SNTG1: variants seen among roughly 807,000 people sequenced by gnomAD.
SNTG1 encodes syntrophin gamma 1, also known as gamma-1-syntrophin.
SNTG1 carries 39 observed loss-of-function variants against 74.7 expected under a neutral mutation model. That is an observed-to-expected ratio of 0.52 (90% CI 0.40 to 0.68). SNTG1 has a LOEUF of 0.68. SNTG1 is among the 30% of genes least tolerant of loss of function. The probability of loss-of-function intolerance (pLI) is 0.00; values close to 1 mark genes in which losing one functional copy is unlikely to be tolerated. For synonymous variants in SNTG1, 254 were observed against 217.1 expected (o/e 1.17, Z -1.49); for missense variants, 685 against 609.5 (o/e 1.12, Z -1.30).
chr8:50,206,474 G>C (rs545383134), intron 2 of SNTG1, among the ~76,000 whole-genome samples: 1 of 152,150 alleles, frequency 6.6e-6, no homozygotes, highest in Non-Finnish European at 1.5e-5. Flanking sequence ...AGGCTGAGAC[G>C]ATGGGGTTTT....
At chr8:50,578,439 C>A (rs572547131) in intron 12 of SNTG1, among the ~76,000 whole-genome samples, 28 of 146,800 alleles carry the variant, frequency 1.9e-4, no homozygotes, top group Non-Finnish European at 9.1e-5. Context: ...GAGAGAGAGA[C>A]AGCAAGAGCA....
At chr8:50,005,977 T>G (rs1485576932) in intron 1 of SNTG1, among the ~76,000 whole-genome samples, 1 of 138,804 alleles carries the variant, frequency 7.2e-6, no homozygotes, top group Non-Finnish European at 1.6e-5. Context: ...TTTTTTTTTT[T>G]TTTTTTGAGA....
chr8:50,204,776 G>A (rs1007329172), intron 2 of SNTG1, among the ~76,000 whole-genome samples: 3 of 152,010 alleles, frequency 2.0e-5, no homozygotes, highest in Non-Finnish European at 4.4e-5. Flanking sequence ...GTGTCCAGGT[G>A]TTCTCATTGT....
At chr8:50,502,414 G>T (rs1349084338) in intron 8 of SNTG1, among the ~76,000 whole-genome samples, 1 of 152,098 alleles carries the variant, frequency 6.6e-6, no homozygotes, top group Non-Finnish European at 1.5e-5. Flanking sequence ...CAAAATAGGT[G>T]CTCAACAATT....
intron 15 of SNTG1, among the ~76,000 whole-genome samples, chr8:50,666,162 G>T (rs1161646122): frequency 6.6e-6 from 1 of 152,100 alleles, no homozygotes; most frequent in Admixed American, 6.6e-5. Context: ...AATCTAATGT[G>T]ATTTAACCTA....
rs758585270 is a variant in SNTG1 at position 50,427,641 on chromosome 8, G to C, written c.163-10902G>C. 8.6e-4 allele frequency among the ~76,000 whole-genome samples: 131 copies of C among 152,138 alleles called. 2 individuals are homozygous for C. Among genetic ancestry groups the C allele is most frequent in the Admixed American group, 2.0e-4 (3 of 15,264 alleles). On this transcript the variant is annotated intron_variant, in intron 4 of 18. Coordinates refer to ENST00000642720, the MANE Select transcript of SNTG1 (RefSeq NM_018967.5). ...AGGGTCTCACAATGTTGCTTAGCCTGTTCTCAAAGGCTCAACCTCATGCAA... is the reference window on the plus strand; with the variant it reads ...AGGGTCTCACAATGTTGCTTAGCCTCTTCTCAAAGGCTCAACCTCATGCAA...
At chr8:50,207,871 A>G (rs538541563) in intron 2 of SNTG1, among the ~76,000 whole-genome samples, 75 of 152,222 alleles carry the variant, frequency 4.9e-4, no homozygotes, top group Admixed American at 1.6e-3. Flanking sequence ...TGTAGTTGAG[A>G]AATTTTGAGT....
At chr8:50,626,595 T>C (rs1172227063) in intron 13 of SNTG1, among the ~76,000 whole-genome samples, 1 of 152,242 alleles carries the variant, frequency 6.6e-6, no homozygotes, top group Non-Finnish European at 1.5e-5. Flanking sequence ...AACAAAGGAA[T>C]GGGCCAAACA....
chr8:50,237,452 T>C (rs892787574), intron 2 of SNTG1, among the ~76,000 whole-genome samples: 5 of 152,158 alleles, frequency 3.3e-5, no homozygotes, highest in Non-Finnish European at 7.4e-5. Context: ...TCTTATTTCA[T>C]TGGCATTTTG....
chr8:50,491,535 C>T (rs986399249), intron 8 of SNTG1: 56 of 152,332 alleles, frequency 3.7e-4, no homozygotes, highest in African/African-American at 1.3e-3. Context: ...TCCTGACTAT[C>T]GCGGAGCTGG....
intron 2 of SNTG1, among the ~76,000 whole-genome samples, chr8:50,392,802 C>T (rs185527543): frequency 1.1e-3 from 164 of 152,014 alleles, no homozygotes; most frequent in African/African-American, 3.5e-3. Flanking sequence ...CTCAAATGTG[C>T]CATGTTATGA....
intron 1 of SNTG1, among the ~76,000 whole-genome samples, chr8:50,039,840 G>T (rs1179755573): frequency 1.3e-5 from 2 of 152,136 alleles, no homozygotes; most frequent in Non-Finnish European, 2.9e-5. Flanking sequence ...CGTAAGTCAT[G>T]ATTCAGAAGA....
intron 1 of SNTG1, among the ~76,000 whole-genome samples, chr8:50,008,121 CA>C: frequency 6.6e-6 from 1 of 151,278 alleles, no homozygotes; most frequent in Non-Finnish European, 1.5e-5. Context: ...CAAATCATAT[CA>C]GAGAATTTAA....
At chr8:49,974,469 A>T (rs1467588639) in intron 1 of SNTG1, among the ~76,000 whole-genome samples, 1 of 152,196 alleles carries the variant, frequency 6.6e-6, no homozygotes, top group Non-Finnish European at 1.5e-5. Context: ...TGATGAAATC[A>T]TCTTCAGGTC....
chr8:50,413,197 G>A (rs1363304861), intron 4 of SNTG1, among the ~76,000 whole-genome samples: 1 of 152,086 alleles, frequency 6.6e-6, no homozygotes, highest in African/African-American at 2.4e-5. Flanking sequence ...GTTCAAGAGG[G>A]TTATGATCAA....
At chr8:50,189,921 C>A (rs187756990) in intron 2 of SNTG1, among the ~76,000 whole-genome samples, 1 of 152,094 alleles carries the variant, frequency 6.6e-6, no homozygotes, top group Non-Finnish European at 1.5e-5. Context: ...AAATTCTGAT[C>A]TAAGTTAATT....
Position 50,621,060 on chromosome 8 carries a change from TA to T in SNTG1, c.849+30145del, listed in dbSNP as rs1202746662. 4.2e-5 allele frequency among the ~76,000 whole-genome samples: 3 copies of T among 70,736 alleles called. No individual in the cohort carries two copies. The Admixed American group carries it at 4.8e-4, about 11-fold the overall frequency. The allele number at this position is 70,736 out of a possible 152,430, so 46.4% of individuals were successfully genotyped here. A position where few individuals can be genotyped will look rare whatever the true frequency, so the allele number is the denominator to read the frequency against. On this transcript the variant is annotated intron_variant, in intron 13 of 18. Transcript: ENST00000642720. The stretch of plus-strand genomic sequence containing the variant: ...ATGCAGGGCTGTAACCATAAAGAGA[TA>T]ACTTTTTTTTTTTTTTTTGAGATGT...
chr8:50,136,318 G>A lies in SNTG1; in HGVS notation c.-102-36243G>A, dbSNP rs56041251. Among the ~76,000 whole-genome samples the A allele has an allele frequency of 3.1e-3, 472 of 152,158 alleles. 1 individual carries two copies. The highest frequency in any genetic ancestry group is 5.0e-3 in the Non-Finnish European group (339 of 68,010). On this transcript the variant is annotated intron_variant, in intron 1 of 18. Coordinates refer to ENST00000642720, the MANE Select transcript of SNTG1 (RefSeq NM_018967.5). ...ATGGTAGTTCTGCTTTGAGTTCTTC[G>A]AGAAATTGCCAAACTGCTTTCCATG...
intron 1 of SNTG1, among the ~76,000 whole-genome samples, chr8:50,162,779 T>C (rs1389127956): frequency 6.6e-6 from 1 of 152,090 alleles, no homozygotes; most frequent in Non-Finnish European, 1.5e-5. Context: ...GATTATGCAG[T>C]GACGTGTTCT....
Sources: gnomAD v4.1 joint callset for allele counts (sites outside exome capture counted in the v4.1 genomes callset) on GRCh38, gnomAD v4.1.1 for gene constraint, MANE v1.5 for transcripts, NCBI Gene and HGNC (gene_info 2026-07-23, HGNC 2026-07-21) for gene names.